Variants in SMAP1 observed in about 807,000 individuals in gnomAD.
SMAP1 encodes the protein small ArfGAP 1.
SMAP1 carries 24 observed loss-of-function variants against 58.5 expected under a neutral mutation model. That is an observed-to-expected ratio of 0.41 (90% CI 0.30 to 0.58). SMAP1 has a LOEUF of 0.58. Ranked by LOEUF, SMAP1 falls within the 20% of genes least tolerant of loss-of-function variation. The pLI, the probability that SMAP1 is intolerant of heterozygous loss-of-function variation, is 0.29. For synonymous variants in SMAP1, 216 were observed against 196.6 expected (o/e 1.10, Z -0.82); for missense variants, 563 against 566.3 (o/e 0.99, Z 0.06).
intron 3 of SMAP1, 102 bp downstream of exon 3, chr6:70,755,167 C>T (rs191282281): frequency 2.4e-5 from 21 of 874,798 alleles, no homozygotes; most frequent in Admixed American, 8.8e-5. Flanking sequence ...AACTTTATCA[C>T]GCTACTGTTC....
At chr6:70,834,371 C>CAAAAAAAA (rs3034191) in intron 6 of SMAP1, among the ~76,000 whole-genome samples, 1 of 136,358 alleles carries the variant, frequency 7.3e-6, no homozygotes, top group Non-Finnish European at 1.6e-5. Flanking sequence ...TAAAATACAC[C>CAAAAAAAA]AAAAAAAAAA....
intron 6 of SMAP1, among the ~76,000 whole-genome samples, chr6:70,830,573 A>G (rs1324361385): frequency 6.6e-6 from 1 of 152,196 alleles, no homozygotes; most frequent in African/African-American, 2.4e-5. Context: ...TTATGTATTC[A>G]TGTTTGTTGT....
rs1771691050 is a variant in SMAP1, at chr6:70,860,867, G to A, written c.*533G>A. The A allele has an allele frequency of 1.3e-5, 5 of 393,494 alleles. No homozygotes were observed. The highest frequency in any genetic ancestry group is 4.4e-5 in the Admixed American group (1 of 22,600). The allele number at this position is 393,494 out of a possible 1,614,324, so 24.4% of individuals were successfully genotyped here. A position where few individuals can be genotyped will look rare whatever the true frequency, so the allele number is the denominator to read the frequency against. ...TGTTATGATGTGCTTAACAGGGAAC[G>A]TGATTAGTGAAAGGAAGATAAACGT... is the stretch of plus-strand genomic sequence containing the variant. On this transcript the variant is annotated 3_prime_UTR_variant, in exon 11 of 11. Transcript: ENST00000370455.
At chr6:70,723,830 A>T (rs1768639764) in intron 1 of SMAP1, among the ~76,000 whole-genome samples, 1 of 152,204 alleles carries the variant, frequency 6.6e-6, no homozygotes, top group Non-Finnish European at 1.5e-5. Context: ...TTCCGAGGGA[A>T]TTATTTAAAT....
chr6:70,854,252 C>A (rs1318848733), intron 8 of SMAP1, among the ~76,000 whole-genome samples: 1 of 152,140 alleles, frequency 6.6e-6, no homozygotes, highest in Admixed American at 6.5e-5. Context: ...TTAGACTGTA[C>A]AAGTTATGTT....
intron 1 of SMAP1, among the ~76,000 whole-genome samples, chr6:70,669,494 T>C (rs2128546112): frequency 6.6e-6 from 1 of 152,368 alleles, no homozygotes. Context: ...AGATTATATT[T>C]ATCCTATGTA....
chr6:70,792,849 G>A (rs1202505675), intron 5 of SMAP1, among the ~76,000 whole-genome samples: 1 of 151,930 alleles, frequency 6.6e-6, no homozygotes, highest in Admixed American at 6.6e-5. Context: ...TGGGGGGTGG[G>A]TGTGACAGAA....
chr6:70,773,174 C>T, intron 3 of SMAP1, 176 bp from the exon 4 acceptor site: 1 of 485,556 alleles, frequency 2.1e-6, no homozygotes, highest in East Asian at 3.8e-5. Context: ...AGGTAGACTT[C>T]TTTAAGAGAA....
At chr6:70,718,290 G>A (rs1412480430) in intron 1 of SMAP1, among the ~76,000 whole-genome samples, 1 of 152,180 alleles carries the variant, frequency 6.6e-6, no homozygotes, top group East Asian at 1.9e-4. Flanking sequence ...GTAAAGTCAT[G>A]AATTTGAAAA....
At chr6:70,806,071 G>T (rs1207997483) in intron 6 of SMAP1, among the ~76,000 whole-genome samples, 2 of 152,242 alleles carry the variant, frequency 1.3e-5, no homozygotes, top group Non-Finnish European at 2.9e-5. Flanking sequence ...TAAGTCTGCA[G>T]AAGTTTCTGC....
At chr6:70,837,745 G>T in intron 7 of SMAP1, 1 of 1,161,182 alleles carries the variant, frequency 8.6e-7, no homozygotes, top group Non-Finnish European at 1.1e-6. Flanking sequence ...CCTGAGCCTT[G>T]GCACAGGAAT....
intron 8 of SMAP1, among the ~76,000 whole-genome samples, chr6:70,856,481 A>G (rs1771428024): frequency 6.6e-6 from 1 of 152,214 alleles, no homozygotes; most frequent in Admixed American, 6.5e-5. Flanking sequence ...AGTTGTAGAA[A>G]TGTTCTTTAT....
intron 1 of SMAP1, among the ~76,000 whole-genome samples, chr6:70,686,048 G>A (rs1376430492): frequency 1.3e-5 from 2 of 152,090 alleles, no homozygotes; most frequent in Non-Finnish European, 2.9e-5. Context: ...GACTACAGAT[G>A]TATGCCACCA....
intron 1 of SMAP1, among the ~76,000 whole-genome samples, chr6:70,713,470 A>T (rs774271974): frequency 5.3e-5 from 8 of 151,652 alleles, no homozygotes. Context: ...GTTTTTGTTT[A>T]TCCTGAGATA....
At chr6:70,682,808 T>A (rs989432086) in intron 1 of SMAP1, among the ~76,000 whole-genome samples, 1 of 152,070 alleles carries the variant, frequency 6.6e-6, no homozygotes, top group Non-Finnish European at 1.5e-5. Context: ...GAGGCCGAGG[T>A]AGGCCGATCA....
intron 10 of SMAP1, 182 bp from the exon 11 acceptor site, chr6:70,860,018 T>C (rs1226103647): frequency 2.5e-5 from 14 of 553,014 alleles, no homozygotes; most frequent in South Asian, 4.3e-5. Flanking sequence ...ATCTAGAAAG[T>C]AGATAAAGAA....
At chr6:70,669,200 G>T (rs545667208) in intron 1 of SMAP1, among the ~76,000 whole-genome samples, 8 of 152,032 alleles carry the variant, frequency 5.3e-5, no homozygotes, top group Non-Finnish European at 1.5e-5. Context: ...TGAGAAATAG[G>T]GTAGTTCTCT....
At chr6:70,828,981 G>A (rs889768554) in intron 6 of SMAP1, among the ~76,000 whole-genome samples, 4 of 152,184 alleles carry the variant, frequency 2.6e-5, no homozygotes, top group African/African-American at 9.7e-5. Flanking sequence ...AGGAGATCAA[G>A]GCTGCCGTGA....
chr6:70,675,676 A>G (rs1562085883), intron 1 of SMAP1, among the ~76,000 whole-genome samples: 1 of 151,654 alleles, frequency 6.6e-6, no homozygotes, highest in East Asian at 1.9e-4. Context: ...AGAAAAAAAC[A>G]ACTTGGAGGG....
Sources: allele counts gnomAD v4.1 joint callset (sites outside exome capture counted in the v4.1 genomes callset), GRCh38; gene constraint gnomAD v4.1.1; transcripts MANE v1.5; gene names NCBI Gene and HGNC (gene_info 2026-07-23, HGNC 2026-07-21).